MTUS2: variants seen among roughly 807,000 people sequenced by gnomAD.
The protein encoded by MTUS2 is microtubule associated scaffold protein 2.
Under a neutral mutation model 114.1 loss-of-function variants are expected in MTUS2, and 40 were observed. That is an observed-to-expected ratio of 0.35 (90% CI 0.27 to 0.46). MTUS2 has a LOEUF of 0.46. Ranked by LOEUF, MTUS2 falls within the 20% of genes least tolerant of loss-of-function variation. The pLI is 1.00. For synonymous variants in MTUS2, 688 were observed against 672.0 expected (o/e 1.02, Z -0.37); for missense variants, 1,679 against 1,705.4 (o/e 0.98, Z 0.27).
chr13:28,986,138 T>C (rs922105088), intron 2 of MTUS2, among the ~76,000 whole-genome samples: 1 of 151,894 alleles, frequency 6.6e-6, no homozygotes, highest in Non-Finnish European at 1.5e-5. Flanking sequence ...AAGCAGCATC[T>C]AGGATGGCCC....
At chr13:29,352,244 C>T (rs1869353556) in intron 7 of MTUS2, among the ~76,000 whole-genome samples, 1 of 152,192 alleles carries the variant, frequency 6.6e-6, no homozygotes, top group Non-Finnish European at 1.5e-5. Flanking sequence ...GGAAATTTTA[C>T]CCATGCTGCA....
intron 8 of MTUS2, among the ~76,000 whole-genome samples, chr13:29,391,910 A>C (rs1873511020): frequency 1.3e-5 from 2 of 151,796 alleles, no homozygotes; most frequent in African/African-American, 4.8e-5. Context: ...TGAGGCAGGC[A>C]GATCACCTGA....
At chr13:29,188,381 T>C (rs1037224512) in intron 5 of MTUS2, among the ~76,000 whole-genome samples, 1 of 152,220 alleles carries the variant, frequency 6.6e-6, no homozygotes, top group Non-Finnish European at 1.5e-5. Context: ...AGGCATGTTA[T>C]ATGAATGAGC....
intron 8 of MTUS2, among the ~76,000 whole-genome samples, chr13:29,419,379 G>A (rs1875913905): frequency 1.3e-5 from 2 of 152,288 alleles, no homozygotes; most frequent in South Asian, 4.2e-4. Context: ...TGGAAAGACT[G>A]GAGGTGGAGA....
chr13:29,277,775 C>A (rs992752680), intron 5 of MTUS2, among the ~76,000 whole-genome samples: 7 of 152,188 alleles, frequency 4.6e-5, no homozygotes, highest in African/African-American at 1.7e-4. Context: ...TGAAATTTTC[C>A]TGTGAACGGT....
chr13:29,042,828 C>G (rs924294888), intron 4 of MTUS2, among the ~76,000 whole-genome samples: 11 of 151,990 alleles, frequency 7.2e-5, no homozygotes, highest in Admixed American at 5.9e-4. Flanking sequence ...TGTTTTGTTT[C>G]TAATCTAGTT....
chr13:29,316,903 C>T (rs1480080650), intron 6 of MTUS2, among the ~76,000 whole-genome samples: 3 of 152,168 alleles, frequency 2.0e-5, no homozygotes, highest in Non-Finnish European at 4.4e-5. Context: ...TCCGTTACAG[C>T]TCATACCTGT....
chr13:29,469,577 A>G (rs1880121407), intron 9 of MTUS2, among the ~76,000 whole-genome samples: 2 of 151,840 alleles, frequency 1.3e-5, no homozygotes, highest in South Asian at 4.2e-4. Context: ...CAGTGAGCCA[A>G]GATCGCGCCA....
chr13:29,278,833 T>C (rs1898162488), intron 5 of MTUS2, among the ~76,000 whole-genome samples: 1 of 152,208 alleles, frequency 6.6e-6, no homozygotes, highest in Non-Finnish European at 1.5e-5. Flanking sequence ...AAGACAATCA[T>C]ACTCTCACTC....
At chr13:29,090,300 C>T (rs1173810604) in intron 4 of MTUS2, among the ~76,000 whole-genome samples, 1 of 152,164 alleles carries the variant, frequency 6.6e-6, no homozygotes, top group Non-Finnish European at 1.5e-5. Flanking sequence ...ATCTCCTGTG[C>T]TGGAAGAGCC....
Position 28,866,508 on chromosome 13 carries a change from A to G in MTUS2, c.-243+26658A>G, listed in dbSNP as rs559215235. On this transcript the variant is annotated intron_variant, in intron 2 of 15. Coordinates refer to ENST00000612955, the MANE Select transcript of MTUS2 (RefSeq NM_001033602.4). ...GGCATCTGTGCTTCTTGGGTTAGAAATATTCTGTATCTAAATACTAAAATG... is the reference window on the plus strand; with the variant it reads ...GGCATCTGTGCTTCTTGGGTTAGAAGTATTCTGTATCTAAATACTAAAATG... Among the ~76,000 whole-genome samples the G allele has an allele frequency of 2.0e-3, 307 of 152,284 alleles. 1 individual carries two copies. Among genetic ancestry groups the G allele is most frequent in the African/African-American group, 7.1e-3 (297 of 41,550 alleles).
chr13:29,197,005 G>T (rs1894731251), intron 5 of MTUS2, among the ~76,000 whole-genome samples: 1 of 152,074 alleles, frequency 6.6e-6, no homozygotes, highest in Admixed American at 6.5e-5. Flanking sequence ...TGGTAGTTCT[G>T]TTTTTAATTT....
intron 5 of MTUS2, among the ~76,000 whole-genome samples, chr13:29,153,814 A>G (rs1157821116): frequency 6.6e-6 from 1 of 152,220 alleles, no homozygotes. Context: ...AAGCTGAAAA[A>G]GCATCAGGTG....
Position 29,503,285 on chromosome 13 carries a change from C to T in MTUS2, c.*79C>T, listed in dbSNP as rs893918362. Reference sequence around the variant, plus strand: ...TGAGGGAGCACCGACCCGGTGCCGCCGGAGCTGGCCCTGTGCGCATGCTCA... The same window carrying T: ...TGAGGGAGCACCGACCCGGTGCCGCTGGAGCTGGCCCTGTGCGCATGCTCA... On this transcript the variant is annotated 3_prime_UTR_variant, in exon 16 of 16. Transcript: ENST00000612955. 132 of 1,517,162 alleles carry T rather than the reference C, an allele frequency of 8.7e-5. No individual in the cohort carries two copies. The highest frequency in any genetic ancestry group is 1.2e-4 in the African/African-American group (9 of 72,750). 94.0% of individuals were successfully genotyped at this position (1,517,162 alleles called of 1,614,324 possible).
At chr13:29,432,570 G>C (rs1877087068) in intron 8 of MTUS2, among the ~76,000 whole-genome samples, 2 of 152,296 alleles carry the variant, frequency 1.3e-5, no homozygotes, top group Non-Finnish European at 2.9e-5. Flanking sequence ...ATCTGAGCCA[G>C]CGAGTTGCTC....
chr13:29,005,284 C>T (rs570705527), intron 2 of MTUS2, among the ~76,000 whole-genome samples: 111 of 152,254 alleles, frequency 7.3e-4, no homozygotes, highest in Non-Finnish European at 2.1e-4. Context: ...CAGAGAGGGG[C>T]TTGGGAGTTC....
chr13:28,865,155 C>T (rs993784094), intron 2 of MTUS2, among the ~76,000 whole-genome samples: 1 of 152,050 alleles, frequency 6.6e-6, no homozygotes, highest in Non-Finnish European at 1.5e-5. Context: ...AGCTGATCTA[C>T]CTGTCTGGGA....
intron 2 of MTUS2, among the ~76,000 whole-genome samples, chr13:28,998,549 T>C (rs1172371895): frequency 6.6e-6 from 1 of 152,234 alleles, no homozygotes; most frequent in Non-Finnish European, 1.5e-5. Flanking sequence ...AGATTTGGTC[T>C]TTTCACATAG....
chr13:29,372,653 A>G (rs567077614), intron 8 of MTUS2, among the ~76,000 whole-genome samples: 1 of 152,320 alleles, frequency 6.6e-6, no homozygotes, highest in African/African-American at 2.4e-5. Flanking sequence ...TCAAAAGTGA[A>G]GGCCAAAGCT....
Sources: gnomAD v4.1 joint callset for allele counts (sites outside exome capture counted in the v4.1 genomes callset) on GRCh38, gnomAD v4.1.1 for gene constraint, MANE v1.5 for transcripts, NCBI Gene and HGNC (gene_info 2026-07-23, HGNC 2026-07-21) for gene names.